The following RAB40C variants were observed in gnomAD, a reference collection of about 807,000 sequenced individuals.
The protein encoded by RAB40C is RAB40C, member RAS oncogene family, also known as ras-related protein Rab-40C.
A neutral mutation model predicts 28.1 loss-of-function variants in RAB40C; 8 were observed. The observed-to-expected ratio is 0.28, with a 90% confidence interval of 0.17 to 0.51. The LOEUF (loss-of-function observed/expected upper bound fraction) is 0.51, where lower values mean the gene tolerates loss of function less well. Ranked by LOEUF, RAB40C falls within the 20% of genes least tolerant of loss-of-function variation. RAB40C has a pLI of 0.97. For missense variants in RAB40C, 288 were observed against 405.9 expected (o/e 0.71, Z 2.50); for synonymous variants, 201 against 171.7 (o/e 1.17, Z -1.34).
Position 625,161 on chromosome 16 carries a change from G to T in RAB40C, c.265-271G>T, listed in dbSNP as rs759690479. 34 of 1,380,362 alleles carry T rather than the reference G, an allele frequency of 2.5e-5. No homozygotes were observed. In the South Asian group the frequency reaches 3.5e-4, roughly 14 times the overall value. The allele number at this position is 1,380,362 out of a possible 1,614,324, so 85.5% of individuals were successfully genotyped here. On this transcript the variant is annotated intron_variant, in intron 3 of 5. Transcript: ENST00000248139. ...CTGCCTGCCCAGGAAACTTCCACAG[G>T]CTGATGGCTCCAGGGGAGGGAGGGG...
chr16:602,549 C>T (rs747140539), intron 1 of RAB40C, among the ~76,000 whole-genome samples: 1 of 152,104 alleles, frequency 6.6e-6, no homozygotes, highest in African/African-American at 2.4e-5. Context: ...TTGCCTCAGC[C>T]CCCCGAGTAG....
At chr16:599,373 G>A (rs2036201657) in intron 1 of RAB40C, among the ~76,000 whole-genome samples, 1 of 152,258 alleles carries the variant, frequency 6.6e-6, no homozygotes, top group African/African-American at 2.4e-5. Context: ...GCGCCCACCT[G>A]ATTCCTGCCT....
chr16:622,663 G>A (rs1301040910), intron 3 of RAB40C, among the ~76,000 whole-genome samples: 8 of 152,134 alleles, frequency 5.3e-5, no homozygotes, highest in African/African-American at 9.7e-5. Flanking sequence ...GCACCACCGC[G>A]TCCAGCTAAT....
chr16:591,752 C>T (rs1009563889), intron 1 of RAB40C, among the ~76,000 whole-genome samples: 15 of 151,962 alleles, frequency 9.9e-5, no homozygotes, highest in African/African-American at 3.1e-4. Context: ...CCACCACGCC[C>T]GGCTAATTTT....
intron 1 of RAB40C, among the ~76,000 whole-genome samples, chr16:604,061 CT>C (rs71299921): frequency 1.2e-3 from 167 of 138,614 alleles, no homozygotes; most frequent in African/African-American, 1.6e-3. Context: ...TTTTCTTTTT[CT>C]TTTTTTTTTT....
chr16:605,961 C>T (rs1348801405), intron 1 of RAB40C, among the ~76,000 whole-genome samples: 1 of 152,214 alleles, frequency 6.6e-6, no homozygotes, highest in Admixed American at 6.5e-5. Context: ...AAGCTTGTTT[C>T]TTTGTAATAG....
chr16:599,222 C>G (rs753576096), intron 1 of RAB40C, among the ~76,000 whole-genome samples: 8 of 152,282 alleles, frequency 5.3e-5, no homozygotes, highest in Non-Finnish European at 1.0e-4. Flanking sequence ...GAAGCTGCCA[C>G]TGACAGGAGA....
intron 1 of RAB40C, among the ~76,000 whole-genome samples, chr16:606,869 C>G (rs946304787): frequency 1.3e-5 from 2 of 152,254 alleles, no homozygotes; most frequent in Non-Finnish European, 2.9e-5. Flanking sequence ...CCCGGATAAT[C>G]TCCCACCTCG....
chr16:616,243 A>G (rs1448204015), intron 1 of RAB40C, among the ~76,000 whole-genome samples: 1 of 150,898 alleles, frequency 6.6e-6, no homozygotes, highest in African/African-American at 2.4e-5. Flanking sequence ...GTGACTGAGC[A>G]AGACTCTGTC....
At chr16:597,532 G>A (rs139778389) in intron 1 of RAB40C, among the ~76,000 whole-genome samples, 1 of 151,116 alleles carries the variant, frequency 6.6e-6, no homozygotes, top group East Asian at 1.9e-4. Context: ...TACCCAGGGT[G>A]TAGTTCGATG....
intron 3 of RAB40C, chr16:624,605 C>T (rs2036787657): frequency 1.0e-6 from 1 of 985,250 alleles, no homozygotes; most frequent in African/African-American, 1.7e-5. Context: ...CCTCTTCTTT[C>T]AGCCTCAGCC....
At chr16:614,075 G>A (rs1181253134) in intron 1 of RAB40C, among the ~76,000 whole-genome samples, 8 of 151,764 alleles carry the variant, frequency 5.3e-5, no homozygotes, top group Non-Finnish European at 8.8e-5. Context: ...GCCGTATCCC[G>A]ATGGTGAACT....
chr16:598,235 G>A (rs2036174004), intron 1 of RAB40C, among the ~76,000 whole-genome samples: 1 of 151,986 alleles, frequency 6.6e-6, no homozygotes, highest in South Asian at 2.1e-4. Context: ...AAAATTAGCT[G>A]GGCATGGTGG....
chr16:608,528 G>C (rs2036413866), intron 1 of RAB40C, among the ~76,000 whole-genome samples: 1 of 152,180 alleles, frequency 6.6e-6, no homozygotes, highest in Admixed American at 6.5e-5. Flanking sequence ...ATCAGACCCA[G>C]GCCCCTTCTA....
At chr16:617,712 G>A (rs1020904013) in intron 2 of RAB40C, among the ~76,000 whole-genome samples, 1 of 152,116 alleles carries the variant, frequency 6.6e-6, no homozygotes, top group Non-Finnish European at 1.5e-5. Flanking sequence ...GTGTGGTGGC[G>A]GGCGCCTGTA....
intron 1 of RAB40C, among the ~76,000 whole-genome samples, chr16:612,003 G>A (rs1411943350): frequency 4.0e-5 from 2 of 49,498 alleles, no homozygotes; most frequent in Admixed American, 2.1e-4. Context: ...GTAGAATCAA[G>A]AGCAAGGGAC....
In RAB40C at chr16:590,256, G is replaced by C; in HGVS notation, c.-36G>C. Reference sequence around the variant, plus strand: ...CCGCGGCCTCACCCGGCGGTGCTTCGGCAGGCGGCCGGCGCGGGGCGCAGG... The same window carrying C: ...CCGCGGCCTCACCCGGCGGTGCTTCCGCAGGCGGCCGGCGCGGGGCGCAGG... On this transcript the variant is annotated 5_prime_UTR_variant, in exon 1 of 6. Coordinates refer to ENST00000248139, the MANE Select transcript of RAB40C (RefSeq NM_021168.5). The C allele has an allele frequency of 1.4e-6, 2 of 1,419,442 alleles. No individual in the cohort carries two copies. Among genetic ancestry groups the C allele is most frequent in the Non-Finnish European group, 1.8e-6 (2 of 1,082,012 alleles). 87.9% of individuals were successfully genotyped at this position (1,419,442 alleles called of 1,614,324 possible).
intron 1 of RAB40C, among the ~76,000 whole-genome samples, chr16:592,979 G>A (rs537010102): frequency 7.9e-4 from 121 of 152,364 alleles, no homozygotes; most frequent in African/African-American, 2.9e-3. Context: ...GGCTCACAGT[G>A]GCTTGGACCA....
rs1354165934 is a variant in RAB40C at position 627,677 on chromosome 16, C to T, written c.*55C>T. The T allele has an allele frequency of 2.6e-6, 4 of 1,509,476 alleles. No homozygotes were observed. The East Asian group carries it at 9.1e-5, about 34-fold the overall frequency. 93.5% of individuals were successfully genotyped at this position (1,509,476 alleles called of 1,614,324 possible). The stretch of plus-strand genomic sequence containing the variant: ...GCCAGGAGGGCTCGAGCTGGACACT[C>T]CTGGCTGGACGCCAGGCCAGTGCCG... On this transcript the variant is annotated 3_prime_UTR_variant, in exon 6 of 6. Transcript: ENST00000248139.
Sources: gnomAD v4.1 joint callset for allele counts (sites outside exome capture counted in the v4.1 genomes callset) on GRCh38, gnomAD v4.1.1 for gene constraint, MANE v1.5 for transcripts, NCBI Gene and HGNC (gene_info 2026-07-23, HGNC 2026-07-21) for gene names.